The following TOX2 variants were observed in gnomAD, a reference collection of about 807,000 sequenced individuals.
The protein encoded by TOX2 is granulosa cell HMG box 1.
Under a neutral mutation model 47.4 loss-of-function variants are expected in TOX2, and 15 were observed. The ratio of observed to expected loss-of-function variants is 0.32; its 90% confidence interval spans 0.21 to 0.49. The LOEUF (loss-of-function observed/expected upper bound fraction) is 0.49. Ranked by LOEUF, TOX2 falls within the 20% of genes least tolerant of loss-of-function variation. The pLI, the probability that TOX2 is intolerant of heterozygous loss-of-function variation, is 0.99. For missense variants in TOX2, 622 were observed against 673.1 expected (o/e 0.92, Z 0.84); for synonymous variants, 290 against 296.6 (o/e 0.98, Z 0.23).
chr20:43,984,951 C>T (rs1020935811), intron 2 of TOX2, among the ~76,000 whole-genome samples: 1 of 152,152 alleles, frequency 6.6e-6, no homozygotes, highest in Non-Finnish European at 1.5e-5. Context: ...CCCTGTAGGA[C>T]CTGAGTTTTT....
intron 2 of TOX2, among the ~76,000 whole-genome samples, chr20:43,973,963 C>T (rs530505122): frequency 3.7e-4 from 57 of 152,320 alleles, no homozygotes; most frequent in African/African-American, 1.2e-3. Context: ...AAGGCTGTCT[C>T]GAACCCCAGC....
At chr20:43,963,390 G>A (rs891402582) in intron 1 of TOX2, among the ~76,000 whole-genome samples, 2 of 152,236 alleles carry the variant, frequency 1.3e-5, no homozygotes, top group East Asian at 1.9e-4. Flanking sequence ...CAGCTCCTGC[G>A]GCAGGCAGTG....
chr20:44,003,584 A>G (rs994410881), intron 2 of TOX2, among the ~76,000 whole-genome samples: 3 of 152,254 alleles, frequency 2.0e-5, no homozygotes, highest in African/African-American at 7.2e-5. Flanking sequence ...ATAATCACAC[A>G]AGAAGTCAGT....
At chr20:44,014,128 CAAAAA>C (rs55721806) in intron 3 of TOX2, among the ~76,000 whole-genome samples, 2,265 of 53,400 alleles carry the variant, frequency 0.042, 19 homozygotes, top group Middle Eastern at 0.12. Context: ...GAGACTATCT[CAAAAA>C]AAAAAAAAAA....
At position 43,954,996 on chromosome 20, in the gene TOX2, G is replaced by A. The variant is rs115959036; in HGVS notation, c.100-18371G>A. On this transcript the variant is annotated intron_variant, in intron 1 of 8. Coordinates refer to ENST00000341197, the MANE Select transcript of TOX2 (RefSeq NM_001098797.2). ...TTATCTACAATCCAAAAAGCCCTGC[G>A]ACGAGAAGTTGTTTTGTCAATATGC... 4.8e-3 allele frequency among the ~76,000 whole-genome samples: 727 copies of A among 152,246 alleles called. 5 individuals carry two copies. The highest frequency in any genetic ancestry group is 0.016 in the African/African-American group (685 of 41,536).
intron 3 of TOX2, among the ~76,000 whole-genome samples, chr20:44,016,841 G>A (rs1017448043): frequency 3.9e-5 from 6 of 152,164 alleles, no homozygotes; most frequent in South Asian, 2.1e-4. Context: ...TGTGAGATGC[G>A]TGCCTCAACC....
chr20:43,982,229 C>A (rs1053063475), intron 2 of TOX2, among the ~76,000 whole-genome samples: 4 of 151,884 alleles, frequency 2.6e-5, no homozygotes, highest in African/African-American at 9.7e-5. Context: ...GTTGGTGGGC[C>A]AAGAGCCAGG....
chr20:44,004,197 G>T (rs1252320379), intron 2 of TOX2, among the ~76,000 whole-genome samples: 1 of 152,224 alleles, frequency 6.6e-6, no homozygotes, highest in Non-Finnish European at 1.5e-5. Flanking sequence ...ACACGGCAGG[G>T]GAAGGGGTAT....
chr20:43,935,691 C>A (rs1037700456), intron 1 of TOX2, among the ~76,000 whole-genome samples: 11 of 151,842 alleles, frequency 7.2e-5, no homozygotes, highest in African/African-American at 2.4e-4. Flanking sequence ...TTTGGGAGGC[C>A]GAGGTGGGTG....
intron 1 of TOX2, among the ~76,000 whole-genome samples, chr20:43,921,946 A>G (rs2069116860): frequency 6.6e-6 from 1 of 152,050 alleles, no homozygotes; most frequent in South Asian, 2.1e-4. Flanking sequence ...ATTGGGAGAG[A>G]GTTGCTCATT....
At chr20:44,048,046 C>G (rs571565232) in intron 3 of TOX2, among the ~76,000 whole-genome samples, 40 of 151,782 alleles carry the variant, frequency 2.6e-4, no homozygotes, top group Non-Finnish European at 5.0e-4. Flanking sequence ...TGGCAAAAAC[C>G]CATCTCTCCT....
intron 3 of TOX2, among the ~76,000 whole-genome samples, chr20:44,036,954 A>G (rs571160003): frequency 2.6e-5 from 4 of 151,898 alleles, no homozygotes; most frequent in Non-Finnish European, 4.4e-5. Flanking sequence ...ATTGTTTCTC[A>G]CCTCTTCTTT....
chr20:43,998,853 G>A (rs1022424524), intron 2 of TOX2, among the ~76,000 whole-genome samples: 1 of 152,068 alleles, frequency 6.6e-6, no homozygotes, highest in African/African-American at 2.4e-5. Context: ...CCTGCTTCCC[G>A]GGTTCAAGGG....
chr20:44,008,862 C>T (rs1336800431), intron 3 of TOX2, among the ~76,000 whole-genome samples: 1 of 152,182 alleles, frequency 6.6e-6, no homozygotes, highest in Non-Finnish European at 1.5e-5. Context: ...TCCAGGAACC[C>T]CACCAGTGTC....
intron 2 of TOX2, among the ~76,000 whole-genome samples, chr20:43,993,222 G>A (rs6130494): frequency 0.19 from 29,263 of 152,072 alleles, 3,351 homozygotes; most frequent in African/African-American, 0.3. Context: ...GAGGACATCA[G>A]CTAATGGGAG....
intron 1 of TOX2, among the ~76,000 whole-genome samples, chr20:43,949,081 T>C (rs562869335): frequency 1.3e-5 from 2 of 152,256 alleles, no homozygotes; most frequent in East Asian, 1.9e-4. Flanking sequence ...AGGAAACAGT[T>C]ACTCTCAATG....
chr20:44,018,017 G>A (rs1302321151), intron 3 of TOX2, among the ~76,000 whole-genome samples: 2 of 152,180 alleles, frequency 1.3e-5, no homozygotes, highest in East Asian at 3.8e-4. Context: ...GAAGTGTGAG[G>A]CACTTGCAGC....
chr20:43,973,424 A>C lies in TOX2; in HGVS notation c.157A>C (p.Thr53Pro). The stretch of plus-strand genomic sequence containing the variant: ...TGACGGAAACCCAGAGCTCCTGTCA[A>C]CCAGCCAGGTGGGTGCCTCATCCTC... ...MSDGNPELLS[T>P]SQTYNGQSEN... The change falls in exon 2 of 9, where the codon ACC (threonine) becomes CCC (proline). Residue 53 changes from threonine to proline, a missense_variant. Physicochemically the swap from Thr to Pro is conservative, Grantham distance 38 (BLOSUM62 -1). Around this residue, in one of 3 missense-constraint regions of TOX2, gnomAD observed 307 missense variants for 327.3 expected, o/e 0.94. Coordinates refer to ENST00000341197, the MANE Select transcript of TOX2 (RefSeq NM_001098797.2). 1 of 1,614,146 alleles carries C rather than the reference A, an allele frequency of 6.2e-7. No homozygotes were observed. The highest frequency in any genetic ancestry group is 1.7e-5 in the Admixed American group (1 of 60,022).
At chr20:44,050,362 T>C (rs1463662821) in intron 3 of TOX2, among the ~76,000 whole-genome samples, 4 of 152,164 alleles carry the variant, frequency 2.6e-5, no homozygotes, top group Non-Finnish European at 5.9e-5. Context: ...ACAACCCACA[T>C]AAAACTGAAA....
Sources: gnomAD v4.1 joint callset for allele counts (sites outside exome capture counted in the v4.1 genomes callset) on GRCh38, gnomAD v4.1.1 for gene constraint, gnomAD v4.1.1 regional missense constraint, MANE v1.5 for transcripts, NCBI Gene and HGNC (gene_info 2026-07-23, HGNC 2026-07-21) for gene names.